Variants in CLNK observed in about 807,000 individuals in gnomAD.
The protein encoded by CLNK is cytokine dependent hematopoietic cell linker, also known as cytokine-dependent hematopoietic cell linker.
A neutral mutation model predicts 68.6 loss-of-function variants in CLNK; 74 were observed. The observed-to-expected ratio is 1.08, with a 90% CI of 0.89 to 1.31. The LOEUF (loss-of-function observed/expected upper bound fraction) is 1.31, where lower values mean the gene tolerates loss of function less well. CLNK is among the 50% of genes most tolerant of loss of function. The pLI is 0.00. For synonymous variants in CLNK, 198 were observed against 172.2 expected, an observed-to-expected ratio of 1.15 and a Z score of -1.17; for missense variants, 553 against 515.3, an observed-to-expected ratio of 1.07 and a Z score of -0.71.
At chr4:10,512,545 T>C (rs1717637139) in intron 16 of CLNK, among the ~76,000 whole-genome samples, 2 of 152,082 alleles carry the variant, frequency 1.3e-5, no homozygotes, top group South Asian at 4.1e-4. Flanking sequence ...TGTGAAAATA[T>C]TTTCCAAAGT....
intron 8 of CLNK, among the ~76,000 whole-genome samples, chr4:10,555,765 G>T (rs1263915587): frequency 6.6e-6 from 1 of 152,122 alleles, no homozygotes; most frequent in Non-Finnish European, 1.5e-5. Flanking sequence ...CTGAGAATGT[G>T]TTTGCATCAA....
At chr4:10,733,742 GTCCAGAGA>G in the CLNK span, among the ~76,000 whole-genome samples, 3 of 152,144 alleles carry the variant, frequency 2.0e-5, no homozygotes, top group African/African-American at 7.2e-5. Context: ...GTTGTATTTT[GTCCAGAGA>G]TGCTTTTATC....
chr4:10,669,952 C>T (rs1247827355), intron 1 of CLNK, among the ~76,000 whole-genome samples: 1 of 152,142 alleles, frequency 6.6e-6, no homozygotes, highest in East Asian at 1.9e-4. Context: ...ACAAAGAATG[C>T]ACATCAAATA....
chr4:10,652,381 CAAAAAA>C (rs67304153), intron 2 of CLNK, among the ~76,000 whole-genome samples: 1 of 50,742 alleles, frequency 2.0e-5, no homozygotes, highest in Non-Finnish European at 3.4e-5. Flanking sequence ...GACTCTGTCT[CAAAAAA>C]AAAAAAAAAA....
At chr4:10,573,713 C>T (rs186023116) in intron 4 of CLNK, among the ~76,000 whole-genome samples, 12 of 152,228 alleles carry the variant, frequency 7.9e-5, no homozygotes, top group Non-Finnish European at 1.6e-4. Context: ...TCAAGGAGTG[C>T]GGTCATGATA....
At chr4:10,670,432 C>G (rs1268772337) in intron 1 of CLNK, among the ~76,000 whole-genome samples, 1 of 152,226 alleles carries the variant, frequency 6.6e-6, no homozygotes, top group Admixed American at 6.5e-5. Flanking sequence ...ATAAACTAGT[C>G]TTTACGGACA....
chr4:10,655,188 T>C (rs901021613), intron 2 of CLNK, among the ~76,000 whole-genome samples: 1 of 151,964 alleles, frequency 6.6e-6, no homozygotes, highest in African/African-American at 2.4e-5. Flanking sequence ...TGTGGCATTA[T>C]GTTGAAGAAG....
At chr4:10,530,655 A>T (rs1001780546) in intron 12 of CLNK, among the ~76,000 whole-genome samples, 3 of 152,122 alleles carry the variant, frequency 2.0e-5, no homozygotes, top group African/African-American at 7.2e-5. Context: ...CCTGTTTGTG[A>T]TTGGAGGGCC....
intron 2 of CLNK, among the ~76,000 whole-genome samples, chr4:10,599,590 G>A (rs1334413971): frequency 6.6e-6 from 1 of 151,894 alleles, no homozygotes; most frequent in African/African-American, 2.4e-5. Context: ...CTATTTTCTG[G>A]ATCTTTCTAA....
chr4:10,709,890 C>T, the CLNK span, among the ~76,000 whole-genome samples: 5 of 152,294 alleles, frequency 3.3e-5, no homozygotes, highest in East Asian at 9.6e-4. Flanking sequence ...CATGGGCCAA[C>T]ACCCCTGCTG....
intron 18 of CLNK, among the ~76,000 whole-genome samples, chr4:10,494,697 G>C (rs932205166): frequency 6.6e-6 from 1 of 152,186 alleles, no homozygotes; most frequent in Non-Finnish European, 1.5e-5. Context: ...GACCTCAAGT[G>C]ATCCACCCGC....
At chr4:10,614,668 T>C (rs141021967) in intron 2 of CLNK, among the ~76,000 whole-genome samples, 5 of 152,246 alleles carry the variant, frequency 3.3e-5, no homozygotes, top group Non-Finnish European at 7.3e-5. Flanking sequence ...ACGGAATCTG[T>C]GTGCACATTC....
intron 8 of CLNK, among the ~76,000 whole-genome samples, chr4:10,554,776 CATT>C (rs1489850889): frequency 6.6e-6 from 1 of 152,192 alleles, no homozygotes; most frequent in Non-Finnish European, 1.5e-5. Context: ...CCAATCTCAT[CATT>C]ATTGCAAAGT....
At chr4:10,610,104 G>T (rs1464019605) in intron 2 of CLNK, among the ~76,000 whole-genome samples, 52 of 137,620 alleles carry the variant, frequency 3.8e-4, no homozygotes, top group Non-Finnish European at 2.1e-4. Flanking sequence ...TCGCCCAGGC[G>T]GGAGTGCTGT....
chr4:10,525,183 G>A (rs1211283728), intron 14 of CLNK, among the ~76,000 whole-genome samples: 1 of 152,144 alleles, frequency 6.6e-6, no homozygotes, highest in Non-Finnish European at 1.5e-5. Flanking sequence ...TCCTGCCTCA[G>A]CCTCCCGAGT....
chr4:10,655,713 G>A (rs574258841), intron 2 of CLNK, among the ~76,000 whole-genome samples: 5 of 145,436 alleles, frequency 3.4e-5, no homozygotes, highest in African/African-American at 5.2e-5. Context: ...GCAGTGGTGC[G>A]ATCTCGGCTC....
intron 2 of CLNK, among the ~76,000 whole-genome samples, chr4:10,667,372 AAT>A (rs1491366324): frequency 7.7e-5 from 4 of 52,030 alleles, no homozygotes; most frequent in African/African-American, 2.1e-4. Flanking sequence ...GAGTCCTGCT[AAT>A]TTTTTTTTTT....
chr4:10,641,590 G>T (rs1416042511), intron 2 of CLNK, among the ~76,000 whole-genome samples: 1 of 152,196 alleles, frequency 6.6e-6, no homozygotes, highest in East Asian at 1.9e-4. Flanking sequence ...TGGGAGTGCT[G>T]CATATAGACA....
intron 11 of CLNK, among the ~76,000 whole-genome samples, chr4:10,539,769 T>C (rs75450008): frequency 0.04 from 6,147 of 152,270 alleles, 313 homozygotes; most frequent in East Asian, 0.13. Flanking sequence ...CAAAAGAGTT[T>C]TCAAGCATGG....
Sources: gnomAD v4.1 joint callset for allele counts (sites outside exome capture counted in the v4.1 genomes callset) on GRCh38, gnomAD v4.1.1 for gene constraint, MANE v1.5 for transcripts, NCBI Gene and HGNC (gene_info 2026-07-23, HGNC 2026-07-21) for gene names.